GABRG2: variants seen among roughly 807,000 people sequenced by gnomAD.
GABRG2 encodes the protein gamma-aminobutyric acid type A receptor subunit gamma2.
GABRG2 carries 16 observed loss-of-function variants against 56.4 expected under a neutral mutation model. The observed-to-expected ratio is 0.28, with a 90% CI of 0.19 to 0.43. The LOEUF (loss-of-function observed/expected upper bound fraction) is 0.43. Among genes scored for constraint, GABRG2 ranks in the 20% least tolerant of loss-of-function variants. The pLI is 1.00. For missense variants in GABRG2, 327 were observed against 582.7 expected (o/e 0.56, Z 4.52); for synonymous variants, 208 against 205.5 (o/e 1.01, Z -0.10).
At chr5:162,090,148 T>A (rs1332693550) in intron 1 of GABRG2, among the ~76,000 whole-genome samples, 1 of 152,066 alleles carries the variant, frequency 6.6e-6, no homozygotes, top group African/African-American at 2.4e-5. Flanking sequence ...ACTGTAATGA[T>A]GAGAATAAAA....
At chr5:162,115,634 C>T (rs1334695368) in intron 6 of GABRG2, among the ~76,000 whole-genome samples, 2 of 152,064 alleles carry the variant, frequency 1.3e-5, no homozygotes, top group African/African-American at 2.4e-5. Flanking sequence ...GAAGGTAGGA[C>T]AGTGGCTGTG....
At chr5:162,093,348 G>A (rs1234585936) in intron 1 of GABRG2, among the ~76,000 whole-genome samples, 1 of 152,080 alleles carries the variant, frequency 6.6e-6, no homozygotes, top group Non-Finnish European at 1.5e-5. Flanking sequence ...GTTCAAGTTA[G>A]CGGGGAGAGG....
At chr5:162,093,285 A>G (rs1702667191) in intron 1 of GABRG2, among the ~76,000 whole-genome samples, 1 of 152,140 alleles carries the variant, frequency 6.6e-6, no homozygotes, top group Non-Finnish European at 1.5e-5. Flanking sequence ...AAAAATACAC[A>G]TAAACACACC....
intron 6 of GABRG2, among the ~76,000 whole-genome samples, chr5:162,141,913 A>C (rs1399838663): frequency 2.0e-5 from 3 of 152,260 alleles, no homozygotes; most frequent in Admixed American, 6.5e-5. Context: ...GAAAGAAGAA[A>C]ATATGATCAG....
chr5:162,078,597 A>G (rs1354956296), intron 1 of GABRG2, among the ~76,000 whole-genome samples: 1 of 150,532 alleles, frequency 6.6e-6, no homozygotes, highest in African/African-American at 2.4e-5. Flanking sequence ...AGTAGAGACG[A>G]GGTTTCACCA....
At chr5:162,076,063 G>A (rs1447220476) in intron 1 of GABRG2, among the ~76,000 whole-genome samples, 1 of 152,048 alleles carries the variant, frequency 6.6e-6, no homozygotes, top group Non-Finnish European at 1.5e-5. Flanking sequence ...AATTCAGGAG[G>A]ATCACTTCAG....
intron 7 of GABRG2, among the ~76,000 whole-genome samples, chr5:162,148,623 C>T (rs1209832343): frequency 1.3e-5 from 2 of 152,110 alleles, no homozygotes; most frequent in African/African-American, 4.8e-5. Flanking sequence ...GCCAGGTCTT[C>T]TAAAAATTTA....
rs200615725 is a variant in GABRG2, at chr5:162,147,290, CCTTT to C, written c.923-1805_923-1802del. 6.4e-3 allele frequency among the ~76,000 whole-genome samples: 908 copies of C among 142,298 alleles called. 8 individuals are homozygous for C. The highest frequency in any genetic ancestry group is 0.021 in the African/African-American group (803 of 38,622). The allele number at this position is 142,298 out of a possible 152,430, so 93.4% of individuals were successfully genotyped here. A position where few individuals can be genotyped will look rare whatever the true frequency, so the allele number is the denominator to read the frequency against. On this transcript the variant is annotated intron_variant, in intron 7 of 9. Transcript: ENST00000639213. Reference sequence around the variant, plus strand: ...TTCTTTCTTTTTTCTTTTTCTTTCTCCTTTCTTTCTTTCTTTTTCCTTCCTTCCT... The same window carrying C: ...TTCTTTCTTTTTTCTTTTTCTTTCTCCTTTCTTTCTTTTTCCTTCCTTCCT...
chr5:162,079,766 A>T (rs1414299750), intron 1 of GABRG2, among the ~76,000 whole-genome samples: 1 of 151,964 alleles, frequency 6.6e-6, no homozygotes, highest in East Asian at 1.9e-4. Context: ...ATACTCAAAC[A>T]TTATTTATTT....
chr5:162,098,274 T>A (rs889096955), intron 4 of GABRG2: 1 of 189,636 alleles, frequency 5.3e-6, no homozygotes, highest in Non-Finnish European at 1.1e-5. Context: ...AGCTTCACAA[T>A]AGCAGGCACC....
In GABRG2 at chr5:162,103,783, A is replaced by G. The variant is rs1761608147; in HGVS notation, c.632-106A>G. 10 of 1,256,878 alleles carry G rather than the reference A, an allele frequency of 8.0e-6. No homozygotes were observed. The South Asian group carries it at 1.2e-4, about 16-fold the overall frequency. 77.9% of individuals were successfully genotyped at this position (1,256,878 alleles called of 1,614,324 possible). A position where few individuals can be genotyped will look rare whatever the true frequency, so the allele number is the denominator to read the frequency against. ...GGTCCAAGATCCTCATTTAGCTTGT[A>G]ACTATCTTTCTCAGTCTTTACCTCA... On this transcript the variant is annotated intron_variant, in intron 5 of 9. Coordinates refer to ENST00000639213, the MANE Select transcript of GABRG2 (RefSeq NM_198904.4).
At chr5:162,131,506 C>T (rs1404926224) in intron 6 of GABRG2, among the ~76,000 whole-genome samples, 3 of 151,872 alleles carry the variant, frequency 2.0e-5, no homozygotes, top group Non-Finnish European at 4.4e-5. Flanking sequence ...ACTGTATTCT[C>T]TTCTTTCTTT....
intron 9 of GABRG2, 78 bp from the exon 10 acceptor site, chr5:162,153,015 G>A: frequency 6.6e-7 from 1 of 1,524,276 alleles, no homozygotes; most frequent in East Asian, 2.3e-5. Context: ...TCATCACATT[G>A]GTGACATTGT....
chr5:162,147,715 G>A (rs1765070585), intron 7 of GABRG2, among the ~76,000 whole-genome samples: 1 of 152,132 alleles, frequency 6.6e-6, no homozygotes, highest in African/African-American at 2.4e-5. Context: ...GGAGAATCTG[G>A]CTGTCCCCTA....
chr5:162,102,076 T>G (rs546912007), intron 5 of GABRG2: 1 of 157,302 alleles, frequency 6.4e-6, no homozygotes, highest in Non-Finnish European at 1.4e-5. Flanking sequence ...GAAATGTAAT[T>G]TCTCAACCAG....
At position 162,153,809 on chromosome 5, in the gene GABRG2, T is replaced by C. The variant is rs188825588; in HGVS notation, c.*441T>C. 1.0e-3 allele frequency: 187 copies of C among 183,612 alleles called. 2 individuals carry two copies. Among genetic ancestry groups the C allele is most frequent in the Middle Eastern group, 5.2e-3 (2 of 384 alleles). The allele number at this position is 183,612 out of a possible 1,614,324, so 11.4% of individuals were successfully genotyped here. ...GAATACCTCCCTCATTTAAGAAAAA[T>C]CATAACTCACTTTAAATATGAAAGC... is the stretch of plus-strand genomic sequence containing the variant. On this transcript the variant is annotated 3_prime_UTR_variant, in exon 10 of 10. Transcript: ENST00000639213.
chr5:162,087,391 T>C (rs1052755240), intron 1 of GABRG2, among the ~76,000 whole-genome samples: 16 of 152,126 alleles, frequency 1.1e-4, no homozygotes, highest in African/African-American at 3.6e-4. Context: ...GCCACTGATA[T>C]CAGTTTCATG....
intron 1 of GABRG2, among the ~76,000 whole-genome samples, chr5:162,078,397 ATTTTT>A (rs869191596): frequency 2.0e-4 from 6 of 30,688 alleles, no homozygotes; most frequent in East Asian, 1.1e-3. Context: ...ATATATATAT[ATTTTT>A]TTTTTTTTTT....
At chr5:162,112,637 TG>T (rs1425101630) in intron 6 of GABRG2, among the ~76,000 whole-genome samples, 1 of 152,154 alleles carries the variant, frequency 6.6e-6, no homozygotes, top group African/African-American at 2.4e-5. Context: ...ATAAGGAAAA[TG>T]TATTCTTTTT....
Sources: gnomAD v4.1 joint callset for allele counts (sites outside exome capture counted in the v4.1 genomes callset) on GRCh38, gnomAD v4.1.1 for gene constraint, MANE v1.5 for transcripts, NCBI Gene and HGNC (gene_info 2026-07-23, HGNC 2026-07-21) for gene names.